TRPM3: variants seen among roughly 807,000 people sequenced by gnomAD.
The protein encoded by TRPM3 is transient receptor potential cation channel subfamily M member 3, also known as long transient receptor potential channel 3.
TRPM3 carries 77 observed loss-of-function variants against 181.2 expected under a neutral mutation model. The observed-to-expected ratio is 0.42, with a 90% CI of 0.35 to 0.51. The LOEUF (loss-of-function observed/expected upper bound fraction) is 0.51. TRPM3 is among the 20% of genes least tolerant of loss of function. The pLI is 0.01. For missense variants in TRPM3, 1,759 were observed against 2,196.7 expected (o/e 0.80, Z 3.98); for synonymous variants, 745 against 796.4 (o/e 0.94, Z 1.09).
At chr9:71,347,719 G>A (rs2132645147) in intron 1 of TRPM3, among the ~76,000 whole-genome samples, 1 of 152,036 alleles carries the variant, frequency 6.6e-6, no homozygotes, top group East Asian at 1.9e-4. Context: ...AGACCAGCCT[G>A]GGCAACATAG....
intron 7 of TRPM3, among the ~76,000 whole-genome samples, chr9:70,782,045 C>A (rs1171835916): frequency 6.6e-6 from 1 of 151,868 alleles, no homozygotes; most frequent in Non-Finnish European, 1.5e-5. Flanking sequence ...ATTCTGAATG[C>A]AAATTTGTAT....
intron 1 of TRPM3, among the ~76,000 whole-genome samples, chr9:71,190,738 A>G (rs1374961198): frequency 2.0e-5 from 3 of 151,898 alleles, no homozygotes; most frequent in Non-Finnish European, 4.4e-5. Context: ...GATGCCAAGC[A>G]TTATTAGCCA....
chr9:71,116,759 G>C (rs1202104196), intron 1 of TRPM3, among the ~76,000 whole-genome samples: 1 of 152,000 alleles, frequency 6.6e-6, no homozygotes, highest in Non-Finnish European at 1.5e-5. Context: ...AATTAAAAAG[G>C]GAATTTACTA....
intron 1 of TRPM3, 83 bp from the exon 2 acceptor site, chr9:70,864,594 A>G: frequency 1.0e-6 from 1 of 965,074 alleles, no homozygotes; most frequent in Non-Finnish European, 1.4e-6. Context: ...CTAGAAAGCA[A>G]AATTTCATAA....
chr9:70,965,298 T>G (rs1449838146), intron 1 of TRPM3, among the ~76,000 whole-genome samples: 1 of 152,050 alleles, frequency 6.6e-6, no homozygotes, highest in Non-Finnish European at 1.5e-5. Flanking sequence ...ATTTTACAAC[T>G]TCAAAAAAGG....
Position 70,536,140 on chromosome 9 carries a change from G to A in TRPM3, c.4973C>T (p.Pro1658Leu), listed in dbSNP as rs372412009. Residue 1658 changes from proline (P) to leucine (L), a missense_variant, in exon 26 of 26, where the codon CCA becomes CTA. This residue lies in a region of TRPM3 where 612 missense variants were observed against 590.0 expected (regional missense o/e 1.04). Transcript: ENST00000677713. ...NSYSAEEPSA[P>L]YAHTRKSFSI... Reference sequence around the variant, plus strand: ...GAAGCTCTTCCTGGTGTGTGCATATGGCGCACTTGGCTCCTCTGCCGAGTA... The same window carrying A: ...GAAGCTCTTCCTGGTGTGTGCATATAGCGCACTTGGCTCCTCTGCCGAGTA... The A allele has an allele frequency of 7.4e-6, 12 of 1,614,078 alleles. No homozygotes were observed. The African/African-American group carries it at 1.2e-4, about 16-fold the overall frequency.
intron 1 of TRPM3, among the ~76,000 whole-genome samples, chr9:71,068,878 C>G (rs1039996976): frequency 6.6e-6 from 1 of 152,164 alleles, no homozygotes; most frequent in Non-Finnish European, 1.5e-5. Context: ...TTAGAACTTA[C>G]AGTATTGCTT....
intron 1 of TRPM3, among the ~76,000 whole-genome samples, chr9:71,434,374 A>AC (rs1270626025): frequency 2.0e-5 from 3 of 152,064 alleles, no homozygotes; most frequent in Non-Finnish European, 4.4e-5. Flanking sequence ...AAAGACAGCC[A>AC]CCTAGGAAGC....
intron 1 of TRPM3, among the ~76,000 whole-genome samples, chr9:70,895,496 A>G (rs551446037): frequency 4.6e-5 from 7 of 152,326 alleles, no homozygotes; most frequent in South Asian, 2.1e-4. Context: ...AATACAATGA[A>G]CCAATCAATT....
chr9:71,431,450 C>A (rs1424392567), intron 1 of TRPM3, among the ~76,000 whole-genome samples: 2 of 152,122 alleles, frequency 1.3e-5, no homozygotes, highest in African/African-American at 2.4e-5. Flanking sequence ...TGTTTGCAGG[C>A]CTGCAGACAA....
intron 1 of TRPM3, among the ~76,000 whole-genome samples, chr9:71,397,696 G>T (rs943949915): frequency 1.3e-5 from 2 of 152,150 alleles, no homozygotes; most frequent in Non-Finnish European, 2.9e-5. Flanking sequence ...TATGCAATTT[G>T]AAATGCAGTC....
chr9:70,977,632 ACAGTCAGTCTGGGT>A (rs772796299), intron 1 of TRPM3, among the ~76,000 whole-genome samples: 2 of 152,206 alleles, frequency 1.3e-5, no homozygotes, highest in Non-Finnish European at 2.9e-5. Flanking sequence ...TCAGACACCA[ACAGTCAGTCTGGGT>A]CAGTTTTATT....
At chr9:70,763,657 A>C (rs1178494210) in intron 7 of TRPM3, among the ~76,000 whole-genome samples, 2 of 152,204 alleles carry the variant, frequency 1.3e-5, no homozygotes, top group African/African-American at 4.8e-5. Flanking sequence ...GTCATTCAAC[A>C]AATGCATAGT....
chr9:70,630,118 C>A (rs1386741010), intron 12 of TRPM3, among the ~76,000 whole-genome samples: 1 of 152,260 alleles, frequency 6.6e-6, no homozygotes, highest in South Asian at 2.1e-4. Context: ...CTTATGGATA[C>A]TCATTCAGGA....
chr9:71,052,124 C>A (rs768062544), intron 1 of TRPM3, among the ~76,000 whole-genome samples: 4 of 151,736 alleles, frequency 2.6e-5, no homozygotes, highest in Non-Finnish European at 4.4e-5. Flanking sequence ...GCCTAGTGTC[C>A]CCAAAAATAG....
chr9:70,692,128 A>G (rs996622717), intron 8 of TRPM3, among the ~76,000 whole-genome samples: 15 of 152,232 alleles, frequency 9.9e-5, no homozygotes, highest in African/African-American at 3.6e-4. Context: ...ATATTTGTGA[A>G]ATACTAGTTT....
intron 1 of TRPM3, among the ~76,000 whole-genome samples, chr9:70,965,118 T>TA (rs1488742948): frequency 3.3e-5 from 5 of 152,042 alleles, no homozygotes; most frequent in African/African-American, 1.2e-4. Flanking sequence ...TTATCCTTTT[T>TA]TTTATTTATT....
At chr9:71,357,763 A>C (rs2091965071) in intron 1 of TRPM3, among the ~76,000 whole-genome samples, 1 of 151,448 alleles carries the variant, frequency 6.6e-6, no homozygotes, top group Admixed American at 6.6e-5. Context: ...TCTTTTTCTT[A>C]TCTTTTCTCT....
chr9:71,071,684 A>C (rs942672805), intron 1 of TRPM3, among the ~76,000 whole-genome samples: 1 of 152,210 alleles, frequency 6.6e-6, no homozygotes, highest in African/African-American at 2.4e-5. Flanking sequence ...GATATGGAAC[A>C]GAAAGAGAAT....
Sources: gnomAD v4.1 joint callset for allele counts (sites outside exome capture counted in the v4.1 genomes callset) on GRCh38, gnomAD v4.1.1 for gene constraint, gnomAD v4.1.1 regional missense constraint, MANE v1.5 for transcripts, NCBI Gene and HGNC (gene_info 2026-07-23, HGNC 2026-07-21) for gene names.